The following GRM1 variants were observed in gnomAD, a reference collection of about 807,000 sequenced individuals.
GRM1 encodes the protein glutamate metabotropic receptor 1.
GRM1 carries 33 observed loss-of-function variants against 90.9 expected under a neutral mutation model. The observed-to-expected ratio is 0.36, with a 90% CI of 0.28 to 0.49. GRM1 has a LOEUF of 0.49. GRM1 is among the 20% of genes least tolerant of loss of function. The pLI is 0.99. For synonymous variants in GRM1, 700 were observed against 613.2 expected (o/e 1.14, Z -2.09); for missense variants, 1,190 against 1,534.3 (o/e 0.78, Z 3.75).
rs1337360562 is a variant in GRM1, at chr6:146,434,545, G to A, written c.3334G>A (p.Glu1112Lys). Residue 1112 changes from glutamate to lysine, a missense_variant, in exon 8 of 8, where the codon GAG (glutamate) becomes AAG (lysine). Coordinates refer to ENST00000282753, the MANE Select transcript of GRM1 (RefSeq NM_001278064.2). Reference sequence around the variant, plus strand: ...TAAGCTCCTCCAGGAGTACGTGTATGAGCACGAGCGGGAAGGGAACACGGA... The same window carrying A: ...TAAGCTCCTCCAGGAGTACGTGTATAAGCACGAGCGGGAAGGGAACACGGA... The part of the protein sequence containing the change: ...RFKLLQEYVY[E>K]HEREGNTEED... The A allele has an allele frequency of 1.9e-6, 3 of 1,614,124 alleles. No homozygotes were observed. The highest frequency in any genetic ancestry group is 2.2e-5 in the South Asian group (2 of 91,078).
Position 146,314,734 on chromosome 6 carries a change from AT to A in GRM1, c.1186+9898del, listed in dbSNP as rs199546947. ...CTTGAAGAGTGTATTCCATCATTCC[AT>A]TTTTTTTTTATTTGCAGATGGCAGT... On this transcript the variant is annotated intron_variant, in intron 3 of 7. Transcript: ENST00000282753. Among the ~76,000 whole-genome samples the A allele has an allele frequency of 2.4e-3, 355 of 149,394 alleles. 2 individuals are homozygous for A. The highest frequency in any genetic ancestry group is 3.7e-3 in the Non-Finnish European group (249 of 67,136).
chr6:146,121,876 T>G (rs1191197073), intron 1 of GRM1, among the ~76,000 whole-genome samples: 1 of 152,220 alleles, frequency 6.6e-6, no homozygotes, highest in East Asian at 1.9e-4. Flanking sequence ...TTGGAATAAG[T>G]GCAATGTGGT....
At chr6:146,346,871 C>A (rs1785206442) in intron 3 of GRM1, among the ~76,000 whole-genome samples, 1 of 152,146 alleles carries the variant, frequency 6.6e-6, no homozygotes, top group Non-Finnish European at 1.5e-5. Context: ...CAGTGGAGAG[C>A]TACAAATGTC....
chr6:146,414,429 A>T, intron 7 of GRM1, among the ~76,000 whole-genome samples: 1 of 137,164 alleles, frequency 7.3e-6, no homozygotes, highest in Non-Finnish European at 1.5e-5. Flanking sequence ...GTTGAGATGG[A>T]GTCTCACACT....
chr6:146,208,632 G>T (rs960762790), intron 2 of GRM1, among the ~76,000 whole-genome samples: 1 of 151,946 alleles, frequency 6.6e-6, no homozygotes, highest in Non-Finnish European at 1.5e-5. Flanking sequence ...TTTTGAAGTT[G>T]TTAGGAATTT....
chr6:146,426,010 A>T (rs1473370338), intron 7 of GRM1, among the ~76,000 whole-genome samples: 1 of 152,172 alleles, frequency 6.6e-6, no homozygotes, highest in South Asian at 2.1e-4. Flanking sequence ...GATTCTTCCA[A>T]TCTCAACAGG....
intron 2 of GRM1, among the ~76,000 whole-genome samples, chr6:146,224,125 C>A (rs920155241): frequency 6.6e-6 from 1 of 152,036 alleles, no homozygotes; most frequent in Non-Finnish European, 1.5e-5. Context: ...AATTCAACCA[C>A]TGTATTACAA....
chr6:146,246,995 C>A (rs1191409005), intron 2 of GRM1, among the ~76,000 whole-genome samples: 1 of 152,100 alleles, frequency 6.6e-6, no homozygotes, highest in Non-Finnish European at 1.5e-5. Context: ...TGGGGGAAGG[C>A]CACATTCAGG....
At chr6:146,248,494 C>CT (rs1308237765) in intron 2 of GRM1, among the ~76,000 whole-genome samples, 1 of 152,182 alleles carries the variant, frequency 6.6e-6, no homozygotes, top group African/African-American at 2.4e-5. Context: ...CCTTGCCCCA[C>CT]TGCTGCCATG....
chr6:146,213,830 G>A (rs1311260028), intron 2 of GRM1, among the ~76,000 whole-genome samples: 2 of 152,090 alleles, frequency 1.3e-5, no homozygotes, highest in Non-Finnish European at 2.9e-5. Flanking sequence ...GAGACCCTGG[G>A]ATGCTGGTAG....
intron 1 of GRM1, among the ~76,000 whole-genome samples, chr6:146,047,938 C>A (rs1310274557): frequency 6.6e-6 from 1 of 151,922 alleles, no homozygotes. Flanking sequence ...ATGATGCCAC[C>A]CTTGGTGACA....
rs202142123 is a variant in GRM1, at chr6:146,387,002, A to G, written c.1715A>G (p.Asn572Ser). ...CKACDLGWWP[N>S]ADLTGCEPIP... ...GCTTGTGACTTGGGATGGTGGCCCA[A>G]TGCAGATCTAACAGGTAGGAACTGC... Residue 572 changes from asparagine (N) to serine (S), a missense_variant, in exon 6 of 8, where the codon AAT (asparagine) becomes AGT (serine). Transcript: ENST00000282753. The G allele has an allele frequency of 2.7e-5, 43 of 1,613,056 alleles. No homozygotes were observed. The highest frequency in any genetic ancestry group is 1.9e-5 in the Non-Finnish European group (22 of 1,179,274).
rs567406909 is a variant in GRM1, at chr6:146,401,737, G to T, written c.2660+2038G>T. On this transcript the variant is annotated intron_variant, in intron 7 of 7. Transcript: ENST00000282753. ...TTTTCTTCTAACCATTTATGGTAAA[G>T]AGAAAACCTATATAATTAAGTTATC... 3.3e-5 allele frequency among the ~76,000 whole-genome samples: 5 copies of T among 152,294 alleles called. No individual in the cohort carries two copies. In the South Asian group the frequency reaches 1.0e-3, roughly 32 times the overall value.
intron 3 of GRM1, among the ~76,000 whole-genome samples, chr6:146,339,993 T>C (rs1440566111): frequency 6.6e-6 from 1 of 152,210 alleles, no homozygotes; most frequent in African/African-American, 2.4e-5. Context: ...CCAAGGAATT[T>C]TGTATGCTGT....
chr6:146,216,412 G>C (rs758611656), intron 2 of GRM1, among the ~76,000 whole-genome samples: 2 of 152,064 alleles, frequency 1.3e-5, no homozygotes, highest in Non-Finnish European at 2.9e-5. Context: ...GTAGACTTCT[G>C]CTTTGAGAAC....
intron 4 of GRM1, among the ~76,000 whole-genome samples, chr6:146,354,699 T>C (rs1249325295): frequency 1.3e-5 from 2 of 152,162 alleles, no homozygotes; most frequent in Non-Finnish European, 2.9e-5. Context: ...CTTGTAATTA[T>C]TTCAGTTAAT....
intron 2 of GRM1, among the ~76,000 whole-genome samples, chr6:146,202,070 A>G (rs1449115480): frequency 6.6e-6 from 1 of 152,224 alleles, no homozygotes; most frequent in Non-Finnish European, 1.5e-5. Context: ...TCTGATAGCC[A>G]GAGAGTGCAT....
At chr6:146,066,003 G>A (rs976783034) in intron 1 of GRM1, among the ~76,000 whole-genome samples, 5 of 151,156 alleles carry the variant, frequency 3.3e-5, no homozygotes, top group African/African-American at 9.7e-5. Context: ...GAACTGTATT[G>A]TAAGGCTGTG....
At chr6:146,413,136 G>GCTGTT (rs1777629613) in intron 7 of GRM1, among the ~76,000 whole-genome samples, 1 of 152,018 alleles carries the variant, frequency 6.6e-6, no homozygotes. Flanking sequence ...TATCTCAAAA[G>GCTGTT]CCAATTTTGC....
Sources: gnomAD v4.1 joint callset for allele counts (sites outside exome capture counted in the v4.1 genomes callset) on GRCh38, gnomAD v4.1.1 for gene constraint, MANE v1.5 for transcripts, NCBI Gene and HGNC (gene_info 2026-07-23, HGNC 2026-07-21) for gene names.